MROH9: variants seen among roughly 807,000 people sequenced by gnomAD.
MROH9 encodes maestro heat-like repeat-containing protein family member 9.
MROH9 carries 92 observed loss-of-function variants against 98.2 expected under a neutral mutation model. That is an observed-to-expected ratio of 0.94 (90% CI 0.79 to 1.11). The LOEUF (loss-of-function observed/expected upper bound fraction) is 1.11. Among genes scored for constraint, MROH9 ranks in the 50% most tolerant of loss-of-function variants. The pLI is 0.00. For synonymous variants in MROH9, 397 were observed against 368.9 expected, an observed-to-expected ratio of 1.08 and a Z score of -0.87; for missense variants, 1,057 against 1,014.8, an observed-to-expected ratio of 1.04 and a Z score of -0.57.
chr1:171,005,406 A>T (rs946629816), intron 15 of MROH9, among the ~76,000 whole-genome samples: 3 of 152,180 alleles, frequency 2.0e-5, no homozygotes, highest in Admixed American at 2.0e-4. Context: ...TTCTTTCAAT[A>T]TATGAACACT....
chr1:170,974,775 CT>C (rs1650618087), intron 8 of MROH9, among the ~76,000 whole-genome samples: 1 of 151,918 alleles, frequency 6.6e-6, no homozygotes, highest in Admixed American at 6.6e-5. Flanking sequence ...ATTTATCTTT[CT>C]TATTTAAATC....
chr1:170,959,150 C>T lies in MROH9; in HGVS notation c.153-312C>T, dbSNP rs1321145614. On this transcript the variant is annotated intron_variant, in intron 4 of 21. Coordinates refer to ENST00000367759, the MANE Select transcript of MROH9 (RefSeq NM_001163629.2). ...CAGCACTTTGGGAGGCTGAGGCGGG[C>T]GGATCATGAGGTCAGGAGATCGAGA... is the stretch of plus-strand genomic sequence containing the variant. Among the ~76,000 whole-genome samples the T allele has an allele frequency of 5.9e-5, 9 of 151,952 alleles. No individual in the cohort carries two copies. In the South Asian group the frequency reaches 6.2e-4, roughly 11 times the overall value.
chr1:171,033,762 A>G (rs1653007455), intron 20 of MROH9, among the ~76,000 whole-genome samples: 1 of 152,196 alleles, frequency 6.6e-6, no homozygotes, highest in East Asian at 1.9e-4. Context: ...TCTTAAAATT[A>G]GGGAACAATA....
chr1:170,990,507 G>C (rs1461668423), intron 11 of MROH9, among the ~76,000 whole-genome samples: 1 of 152,220 alleles, frequency 6.6e-6, no homozygotes, highest in South Asian at 2.1e-4. Flanking sequence ...CACAAGAAAA[G>C]TTTAAGAAGA....
At chr1:170,990,410 A>G (rs193267361) in intron 11 of MROH9, among the ~76,000 whole-genome samples, 1 of 152,270 alleles carries the variant, frequency 6.6e-6, no homozygotes, top group East Asian at 1.9e-4. Context: ...AAGGACAGAC[A>G]TAAGATATTT....
chr1:170,984,727 C>T (rs565454799), intron 9 of MROH9, among the ~76,000 whole-genome samples: 17 of 152,114 alleles, frequency 1.1e-4, no homozygotes, highest in Admixed American at 3.9e-4. Context: ...CTTGGGCTTG[C>T]GGGAGGTACC....
rs532319317 is a variant in MROH9, at chr1:170,939,179, T to G, written c.-38+3592T>G. Among the ~76,000 whole-genome samples the G allele has an allele frequency of 6.6e-5, 10 of 152,356 alleles. No homozygotes were observed. In the South Asian group the frequency reaches 1.9e-3, roughly 28 times the overall value. On this transcript the variant is annotated intron_variant, in intron 1 of 21. Coordinates refer to ENST00000367759, the MANE Select transcript of MROH9 (RefSeq NM_001163629.2). The stretch of plus-strand genomic sequence containing the variant: ...TATCCACTTATCTCTTCCTCAAATT[T>G]CTTCATCAATTTTCCAATCATGTTC...
intron 20 of MROH9, among the ~76,000 whole-genome samples, chr1:171,040,489 C>T (rs996001361): frequency 2.6e-5 from 4 of 152,010 alleles, no homozygotes; most frequent in African/African-American, 7.2e-5. Flanking sequence ...GTATTCATTT[C>T]GCTAGGTATA....
intron 7 of MROH9, among the ~76,000 whole-genome samples, chr1:170,970,704 G>C (rs1482004388): frequency 7.1e-5 from 4 of 56,038 alleles, no homozygotes; most frequent in African/African-American, 2.3e-4. Context: ...AGGAATTTCT[G>C]TGTGTGTGTG....
chr1:171,018,981 C>G (rs980798922), intron 17 of MROH9, among the ~76,000 whole-genome samples: 1 of 152,212 alleles, frequency 6.6e-6, no homozygotes, highest in Non-Finnish European at 1.5e-5. Flanking sequence ...TAGACATATA[C>G]AAAACTCTCC....
At chr1:170,954,811 G>A (rs61815212) in intron 3 of MROH9, among the ~76,000 whole-genome samples, 12,337 of 151,696 alleles carry the variant, frequency 0.081, 635 homozygotes, top group Non-Finnish European at 0.11. Context: ...CCTATTCACC[G>A]TTTATATGCC....
In MROH9 at chr1:171,040,235, G is replaced by A. The variant is rs114074717; in HGVS notation, c.2281+14815G>A. On this transcript the variant is annotated intron_variant, in intron 20 of 21. Transcript: ENST00000367759. ...AAGAAATGGGAAGATGTAAATCAAAGGGTATATACATCAAAGGGTGCAAAG... is the reference window on the plus strand; with the variant it reads ...AAGAAATGGGAAGATGTAAATCAAAAGGTATATACATCAAAGGGTGCAAAG... Among the ~76,000 whole-genome samples the A allele has an allele frequency of 4.6e-3, 703 of 152,208 alleles. 2 individuals are homozygous for A. Among genetic ancestry groups the A allele is most frequent in the Middle Eastern group, 0.024 (7 of 294 alleles).
chr1:170,965,142 T>C lies in MROH9; in HGVS notation c.376-9T>C. ...CATGGTTCTAGGATGACTTTTATGT[T>C]TCCAACAGGAAATGCTCGTGTGGAT... is the stretch of plus-strand genomic sequence containing the variant. On this transcript the variant is annotated splice_polypyrimidine_tract_variant and intron_variant, in intron 6 of 21. Transcript: ENST00000367759. 6.3e-7 allele frequency: 1 copy of C among 1,597,536 alleles called. No individual in the cohort carries two copies. Among genetic ancestry groups the C allele is most frequent in the Non-Finnish European group, 8.6e-7 (1 of 1,167,024 alleles).
At chr1:170,955,611 A>G (rs1279847735) in intron 3 of MROH9, among the ~76,000 whole-genome samples, 2 of 152,146 alleles carry the variant, frequency 1.3e-5, no homozygotes, top group African/African-American at 2.4e-5. Context: ...GGCCATTTGT[A>G]TATCTTCTTT....
chr1:170,965,068 T>A, intron 6 of MROH9, 83 bp from the exon 7 acceptor site: 1 of 876,120 alleles, frequency 1.1e-6, no homozygotes, highest in South Asian at 1.7e-5. Flanking sequence ...GAAGGCCTGA[T>A]TTGGTGAAGT....
chr1:171,046,120 AT>A, intron 20 of MROH9, among the ~76,000 whole-genome samples: 1 of 151,382 alleles, frequency 6.6e-6, no homozygotes, highest in African/African-American at 2.4e-5. Flanking sequence ...GACTCTTCTG[AT>A]TTTTTCGTTT....
At chr1:171,016,466 A>G (rs2101834372) in intron 17 of MROH9, 130 bp downstream of exon 17, 1 of 673,068 alleles carries the variant, frequency 1.5e-6, no homozygotes, top group South Asian at 4.2e-5. Context: ...TTACAGAGAT[A>G]AAAATATTAG....
rs191757661 is a variant in MROH9 at position 170,941,007 on chromosome 1, A to G, written c.-37-4513A>G. Among the ~76,000 whole-genome samples the G allele has an allele frequency of 1.5e-3, 229 of 152,296 alleles. 1 individual carries two copies. Among genetic ancestry groups the G allele is most frequent in the South Asian group, 0.012 (56 of 4,818 alleles). On this transcript the variant is annotated intron_variant, in intron 1 of 21. Transcript: ENST00000367759. Reference sequence around the variant, plus strand: ...GAGGAAATAACATCAGTTATAACAAATAACTCTGTAATAACCCAGGATGGA... The same window carrying G: ...GAGGAAATAACATCAGTTATAACAAGTAACTCTGTAATAACCCAGGATGGA...
intron 1 of MROH9, among the ~76,000 whole-genome samples, chr1:170,936,811 C>T (rs1332802289): frequency 2.6e-5 from 4 of 151,728 alleles, no homozygotes; most frequent in African/African-American, 9.7e-5. Context: ...TTGGATTAAC[C>T]TCCAAAGGAC....
Sources: gnomAD v4.1 joint callset for allele counts (sites outside exome capture counted in the v4.1 genomes callset) on GRCh38, gnomAD v4.1.1 for gene constraint, MANE v1.5 for transcripts, NCBI Gene and HGNC (gene_info 2026-07-23, HGNC 2026-07-21) for gene names.